The following CRHR1 variants were observed in gnomAD, a reference collection of about 807,000 sequenced individuals.
CRHR1 encodes the protein corticotropin-releasing hormone receptor 1.
In CRHR1, 28 loss-of-function variants were observed where a neutral mutation model predicts 56.0. The observed-to-expected ratio is 0.50, with a 90% CI of 0.37 to 0.69. CRHR1 has a LOEUF of 0.69. Among genes scored for constraint, CRHR1 ranks in the 30% least tolerant of loss-of-function variants. The pLI is 0.00. For missense variants in CRHR1, 376 were observed against 548.0 expected, an observed-to-expected ratio of 0.69 and a Z score of 3.13; for synonymous variants, 195 against 216.5, an observed-to-expected ratio of 0.90 and a Z score of 0.87.
chr17:45,826,197 T>TG (rs1173131577), intron 4 of CRHR1: 1 of 152,606 alleles, frequency 6.6e-6, no homozygotes, highest in Non-Finnish European at 1.5e-5. Flanking sequence ...GGGGTGTCAC[T>TG]GGCTGTCCCT....
In CRHR1 at chr17:45,816,592, A is replaced by G; in HGVS notation, c.241+10A>G. The G allele has an allele frequency of 1.2e-6, 2 of 1,613,884 alleles. No homozygotes were observed. Among genetic ancestry groups the G allele is most frequent in the South Asian group, 2.2e-5 (2 of 91,072 alleles). ...CGCTACAATACCACAAGTAAGGAAGAAGTGGAGGGTGGACCATCTGCTGGG... is the reference window on the plus strand; with the variant it reads ...CGCTACAATACCACAAGTAAGGAAGGAGTGGAGGGTGGACCATCTGCTGGG... On this transcript the variant is annotated intron_variant, in intron 3 of 12. Coordinates refer to ENST00000314537, the MANE Select transcript of CRHR1 (RefSeq NM_004382.5).
In CRHR1 at chr17:45,833,479, G is replaced by A. The variant is rs564745730; in HGVS notation, c.871G>A (p.Val291Ile). ...CAATTTCATCTTCCTTTTCAACATC[G>A]TCCGCATCCTCATGACCAAGCTCCG... Reference protein sequence around the residue: ...LINFIFLFNIVRILMTKLRAS... With the variant: ...LINFIFLFNIIRILMTKLRAS... The change falls in exon 10 of 13, where the codon GTC becomes ATC. Residue 291 changes from valine (V) to isoleucine (I), a missense_variant. By Grantham distance (29) the Val-to-Ile change is conservative. Transcript: ENST00000314537. 24 of 1,613,946 alleles carry A rather than the reference G, an allele frequency of 1.5e-5. No individual in the cohort carries two copies. In the East Asian group the frequency reaches 2.7e-4, roughly 18 times the overall value.
Position 45,818,569 on chromosome 17 carries a change from C to G in CRHR1, c.241+1987C>G, listed in dbSNP as rs533208000. Among the ~76,000 whole-genome samples the G allele has an allele frequency of 5.3e-5, 8 of 152,282 alleles. No individual in the cohort carries two copies. The South Asian group carries it at 1.7e-3, about 32-fold the overall frequency. Reference sequence around the variant, plus strand: ...GTGTGGTGCTCTCTAGGCTCCCCCGCACTTCCCTCTGTGATCCCAGGAAAG... The same window carrying G: ...GTGTGGTGCTCTCTAGGCTCCCCCGGACTTCCCTCTGTGATCCCAGGAAAG... On this transcript the variant is annotated intron_variant, in intron 3 of 12. Transcript: ENST00000314537.
At chr17:45,791,842 T>G (rs1213071943) in intron 1 of CRHR1, among the ~76,000 whole-genome samples, 2 of 113,996 alleles carry the variant, frequency 1.8e-5, no homozygotes, top group Non-Finnish European at 3.6e-5. Context: ...TTTCTCTCTC[T>G]CTCTCTCTCT....
At chr17:45,832,260 GTTT>G (rs1198116696) in intron 8 of CRHR1, among the ~76,000 whole-genome samples, 1 of 152,058 alleles carries the variant, frequency 6.6e-6, no homozygotes, top group Admixed American at 6.6e-5. Flanking sequence ...AACAAAAACT[GTTT>G]GGGCTAAAGG....
intron 2 of CRHR1, among the ~76,000 whole-genome samples, chr17:45,808,854 C>G (rs553700588): frequency 1.3e-5 from 2 of 152,198 alleles, no homozygotes; most frequent in South Asian, 4.2e-4. Context: ...CTCAGTTGCC[C>G]AGGCTGGAGT....
At chr17:45,793,935 G>A (rs1259675464) in intron 1 of CRHR1, among the ~76,000 whole-genome samples, 2 of 152,186 alleles carry the variant, frequency 1.3e-5, no homozygotes, top group Admixed American at 6.5e-5. Flanking sequence ...CCCACCAAAG[G>A]CCAGTGAGAC....
intron 1 of CRHR1, among the ~76,000 whole-genome samples, chr17:45,795,627 A>C (rs779513525): frequency 6.6e-6 from 1 of 152,090 alleles, no homozygotes; most frequent in African/African-American, 2.4e-5. Context: ...AGTTATCCTC[A>C]CTTCTGTTGA....
intron 1 of CRHR1, among the ~76,000 whole-genome samples, chr17:45,801,200 C>T (rs964658776): frequency 1.3e-4 from 20 of 152,292 alleles, no homozygotes; most frequent in African/African-American, 4.6e-4. Context: ...GGCTCCTGCA[C>T]CACCTTCCTC....
chr17:45,824,466 G>C (rs140034759), intron 4 of CRHR1, among the ~76,000 whole-genome samples: 29 of 152,268 alleles, frequency 1.9e-4, no homozygotes, highest in African/African-American at 6.5e-4. Flanking sequence ...CTTCTTTTCA[G>C]TTGGCTGATG....
intron 11 of CRHR1, 67 bp from the exon 12 acceptor site, chr17:45,833,940 G>T (rs2062378622): frequency 6.2e-7 from 1 of 1,613,260 alleles, no homozygotes; most frequent in South Asian, 1.1e-5. Context: ...GAGAAGCAAG[G>T]GGCAGCCCAG....
rs940420691 is a variant in CRHR1, at chr17:45,834,860, T to A, written c.*96T>A. ...CTGCCTGTGGAGGTGACCTGTTAGG[T>A]CTCATGCCCACTCCCCCAGGAGCAG... is the stretch of plus-strand genomic sequence containing the variant. On this transcript the variant is annotated 3_prime_UTR_variant, in exon 13 of 13. Coordinates refer to ENST00000314537, the MANE Select transcript of CRHR1 (RefSeq NM_004382.5). The A allele has an allele frequency of 7.2e-6, 11 of 1,524,314 alleles. No homozygotes were observed. The highest frequency in any genetic ancestry group is 9.8e-6 in the Non-Finnish European group (11 of 1,119,364). The allele number at this position is 1,524,314 out of a possible 1,614,324, so 94.4% of individuals were successfully genotyped here.
chr17:45,793,767 G>A (rs989691848), intron 1 of CRHR1, among the ~76,000 whole-genome samples: 5 of 152,224 alleles, frequency 3.3e-5, no homozygotes, highest in Admixed American at 3.3e-4. Context: ...AAAGCTGACA[G>A]GGCAGGAGAC....
intron 1 of CRHR1, among the ~76,000 whole-genome samples, chr17:45,796,814 G>A (rs2061526103): frequency 6.6e-6 from 1 of 152,202 alleles, no homozygotes; most frequent in Non-Finnish European, 1.5e-5. Flanking sequence ...ATGGAAGCCA[G>A]GGAAGACTGA....
intron 2 of CRHR1, among the ~76,000 whole-genome samples, chr17:45,813,217 G>A (rs1199749198): frequency 3.3e-5 from 5 of 152,094 alleles, no homozygotes; most frequent in African/African-American, 1.2e-4. Flanking sequence ...GCCCTGTCCT[G>A]CTGCCTCCTC....
rs2061399721 is a variant in CRHR1 at position 45,790,010 on chromosome 17, AGTCT to A, written c.33+5434_33+5437del. Among the ~76,000 whole-genome samples the A allele has an allele frequency of 2.6e-5, 4 of 152,302 alleles. No homozygotes were observed. The South Asian group carries it at 8.3e-4, about 32-fold the overall frequency. ...CTTAATAAATCTTACCAACTTCCTC[AGTCT>A]AAGAAAGGCCATCAAAAGGAGAAGT... On this transcript the variant is annotated intron_variant, in intron 1 of 12. Transcript: ENST00000314537.
chr17:45,813,871 C>T (rs1445110352), intron 2 of CRHR1, among the ~76,000 whole-genome samples: 1 of 152,238 alleles, frequency 6.6e-6, no homozygotes, highest in Non-Finnish European at 1.5e-5. Context: ...CCTGCCCACC[C>T]CTTGAAGGTC....
chr17:45,791,728 C>A (rs2061428187), intron 1 of CRHR1, among the ~76,000 whole-genome samples: 1 of 151,972 alleles, frequency 6.6e-6, no homozygotes, highest in Non-Finnish European at 1.5e-5. Flanking sequence ...TCCACCACCC[C>A]CAGGGCTGCT....
At chr17:45,803,526 A>G (rs1417365623) in intron 1 of CRHR1, among the ~76,000 whole-genome samples, 1 of 152,168 alleles carries the variant, frequency 6.6e-6, no homozygotes, top group African/African-American at 2.4e-5. Flanking sequence ...AGCTGGGATT[A>G]CAGGCATGCC....
Sources: gnomAD v4.1 joint callset for allele counts (sites outside exome capture counted in the v4.1 genomes callset) on GRCh38, gnomAD v4.1.1 for gene constraint, MANE v1.5 for transcripts, NCBI Gene and HGNC (gene_info 2026-07-23, HGNC 2026-07-21) for gene names.